The following PCDHGB2 variants were observed in gnomAD, a reference collection of about 807,000 sequenced individuals.
PCDHGB2 encodes the protein protocadherin gamma-B2.
PCDHGB2 carries 55 observed loss-of-function variants against 59.3 expected under a neutral mutation model. The observed-to-expected ratio is 0.93, with a 90% confidence interval of 0.75 to 1.16. The LOEUF (loss-of-function observed/expected upper bound fraction) is 1.16. PCDHGB2 is among the 50% of genes most tolerant of loss of function. The pLI is 0.00. For synonymous variants in PCDHGB2, 516 were observed against 512.0 expected, an observed-to-expected ratio of 1.01 and a Z score of -0.11; for missense variants, 1,228 against 1,198.5, an observed-to-expected ratio of 1.02 and a Z score of -0.36.
intron 1 of PCDHGB2, among the ~76,000 whole-genome samples, chr5:141,402,220 C>T (rs1489596372): frequency 2.0e-5 from 3 of 151,886 alleles, no homozygotes; most frequent in African/African-American, 2.4e-5. Context: ...TTAAAATAAA[C>T]GTTTTTCCAG....
At position 141,414,719 on chromosome 5, in the gene PCDHGB2, C is replaced by T. The variant is rs1361757630; in HGVS notation, c.2421+52163C>T. On this transcript the variant is annotated intron_variant, in intron 1 of 3. Transcript: ENST00000522605. ...TCATACATATCCATCAACTCAGACA[C>T]TGGCGTCCTGTATGCACTCAGATCC... The T allele has an allele frequency of 1.2e-6, 2 of 1,614,050 alleles. No individual in the cohort carries two copies. Among genetic ancestry groups the T allele is most frequent in the African/African-American group, 1.3e-5 (1 of 74,934 alleles).
At chr5:141,464,611 A>G (rs2099087451) in intron 1 of PCDHGB2, among the ~76,000 whole-genome samples, 3 of 152,194 alleles carry the variant, frequency 2.0e-5, no homozygotes, top group African/African-American at 7.2e-5. Context: ...TTTGCAGAGT[A>G]TATTGTCAAG....
Position 141,490,629 on chromosome 5 carries a change from C to T in PCDHGB2, c.2422-4178C>T, listed in dbSNP as rs1174984711. 1.2e-6 allele frequency: 2 copies of T among 1,614,214 alleles called. No individual in the cohort carries two copies. Among genetic ancestry groups the T allele is most frequent in the East Asian group, 2.2e-5 (1 of 44,882 alleles). On this transcript the variant is annotated intron_variant, in intron 1 of 3. Coordinates refer to ENST00000522605, the MANE Select transcript of PCDHGB2 (RefSeq NM_018923.3). This position sits in a 1 kb window ranked among gnomAD's most constrained non-coding sequence, Gnocchi z 5.4. ...ACCAGCAGCTTTACACTGCTTACAT[C>T]CTAGAAAACCGGCCTCCGGGCTCCC...
intron 1 of PCDHGB2, chr5:141,378,119 G>T (rs1412148490): frequency 1.3e-5 from 2 of 152,132 alleles, no homozygotes; most frequent in South Asian, 2.1e-4. Flanking sequence ...TAGTGAACAC[G>T]TATTTGTTGA....
chr5:141,405,295 C>T lies in PCDHGB2; in HGVS notation c.2421+42739C>T, dbSNP rs192426924. On this transcript the variant is annotated intron_variant, in intron 1 of 3. Transcript: ENST00000522605. ...CCAACTATGCAGACACACTCATCAG[C>T]CAGCAGAGCTGTGAGAAAAATGAGC... 26 of 1,614,180 alleles carry T rather than the reference C, an allele frequency of 1.6e-5. No individual in the cohort carries two copies. In the East Asian group the frequency reaches 4.0e-4, roughly 25 times the overall value.
rs771124496 is a variant in PCDHGB2, at chr5:141,489,457, C to T, written c.2422-5350C>T. The T allele has an allele frequency of 1.2e-5, 19 of 1,613,882 alleles. No homozygotes were observed. The highest frequency in any genetic ancestry group is 6.7e-5 in the African/African-American group (5 of 74,896). Reference sequence around the variant, plus strand: ...GCAATTGGGCTCTGAGGAGAATGGGCGCTATTTTTCCCTGAGCTTGATGAG... The same window carrying T: ...GCAATTGGGCTCTGAGGAGAATGGGTGCTATTTTTCCCTGAGCTTGATGAG... On this transcript the variant is annotated intron_variant, in intron 1 of 3. Coordinates refer to ENST00000522605, the MANE Select transcript of PCDHGB2 (RefSeq NM_018923.3). The surrounding 1 kb of genome is among the most constrained non-coding windows in gnomAD (Gnocchi z 4.5).
At chr5:141,460,733 C>T (rs988651750) in intron 1 of PCDHGB2, among the ~76,000 whole-genome samples, 2 of 150,844 alleles carry the variant, frequency 1.3e-5, no homozygotes, top group Non-Finnish European at 3.0e-5. Context: ...CATATATACA[C>T]ATTGTATATA....
At chr5:141,447,283 G>T (rs1194678678) in intron 1 of PCDHGB2, among the ~76,000 whole-genome samples, 1 of 152,122 alleles carries the variant, frequency 6.6e-6, no homozygotes, top group East Asian at 1.9e-4. Context: ...GGGACTACAG[G>T]CACATGCCAC....
Position 141,376,230 on chromosome 5 carries a change from T to C in PCDHGB2, c.2421+13674T>C, listed in dbSNP as rs567339650. The C allele has an allele frequency of 4.3e-6, 7 of 1,614,210 alleles. No homozygotes were observed. The East Asian group carries it at 6.7e-5, about 15-fold the overall frequency. ...GTCATCGTGCTGCTGGCGCTCAGACTGCAGCGCTGGCACAAGTCACGCCTG... is the reference window on the plus strand; with the variant it reads ...GTCATCGTGCTGCTGGCGCTCAGACCGCAGCGCTGGCACAAGTCACGCCTG... On this transcript the variant is annotated intron_variant, in intron 1 of 3. Coordinates refer to ENST00000522605, the MANE Select transcript of PCDHGB2 (RefSeq NM_018923.3).
intron 1 of PCDHGB2, among the ~76,000 whole-genome samples, chr5:141,475,171 C>A (rs545499118): frequency 6.6e-6 from 1 of 152,164 alleles, no homozygotes; most frequent in African/African-American, 2.4e-5. Context: ...AGCAGTGCAA[C>A]TTCTTGTGGC....
In PCDHGB2 at chr5:141,489,948, T is replaced by C; in HGVS notation, c.2422-4859T>C. 2 of 1,614,210 alleles carry C rather than the reference T, an allele frequency of 1.2e-6. No individual in the cohort carries two copies. Among genetic ancestry groups the C allele is most frequent in the Non-Finnish European group, 1.7e-6 (2 of 1,180,030 alleles). On this transcript the variant is annotated intron_variant, in intron 1 of 3. Coordinates refer to ENST00000522605, the MANE Select transcript of PCDHGB2 (RefSeq NM_018923.3). The surrounding 1 kb of genome is among the most constrained non-coding windows in gnomAD (Gnocchi z 4.5). ...TCTCTGTCATCGTGCTGGACATCAA[T>C]GATAATGCTCCAACCTTCCAATCCT...
intron 1 of PCDHGB2, chr5:141,478,760 C>T (rs1472984737): frequency 1.5e-5 from 23 of 1,510,888 alleles, no homozygotes; most frequent in Non-Finnish European, 1.9e-5. Context: ...GGGGAAGATA[C>T]TTGACTCATC....
intron 1 of PCDHGB2, chr5:141,389,501 G>A (rs752472089): frequency 3.7e-6 from 6 of 1,613,066 alleles, no homozygotes; most frequent in Non-Finnish European, 5.1e-6. Context: ...GCTCGCCAGC[G>A]CTCAGCGCGA....
At chr5:141,450,826 A>C (rs965147554) in intron 1 of PCDHGB2, among the ~76,000 whole-genome samples, 1 of 134,302 alleles carries the variant, frequency 7.4e-6, no homozygotes, top group African/African-American at 2.9e-5. Context: ...TATTATTATT[A>C]TTATTTTTTT....
In PCDHGB2 at chr5:141,403,920, A is replaced by T. The variant is rs1470961343; in HGVS notation, c.2421+41364A>T. 8.1e-6 allele frequency: 13 copies of T among 1,613,904 alleles called. No homozygotes were observed. Among genetic ancestry groups the T allele is most frequent in the Non-Finnish European group, 1.1e-5 (13 of 1,179,882 alleles). On this transcript the variant is annotated intron_variant, in intron 1 of 3. Transcript: ENST00000522605. ...TATGAAATGGAAATACAAGCTGAAG[A>T]TGGTGGGGGATTGAAAGGGTGGACA...
At position 141,361,977 on chromosome 5, in the gene PCDHGB2, C is replaced by G; in HGVS notation, c.1842C>G (p.Pro614=). The change falls in exon 1 of 4, where the codon CCC becomes CCG. Residue 614 remains proline (P), a synonymous_variant. Transcript: ENST00000522605. ...ACCACGTGCTGCAGGCCAGCGAGCCCGGGCTCTTCAGCCTGGGGTTGCGCA... is the reference window on the plus strand; with the variant it reads ...ACCACGTGCTGCAGGCCAGCGAGCCGGGGCTCTTCAGCCTGGGGTTGCGCA... ...LSYHVLQASE[P]GLFSLGLRTG... 6.2e-7 allele frequency: 1 copy of G among 1,601,656 alleles called. No individual in the cohort carries two copies. The highest frequency in any genetic ancestry group is 8.5e-7 in the Non-Finnish European group (1 of 1,176,502).
intron 1 of PCDHGB2, among the ~76,000 whole-genome samples, chr5:141,480,386 A>G (rs966068994): frequency 6.6e-6 from 1 of 151,826 alleles, no homozygotes; most frequent in Non-Finnish European, 1.5e-5. Context: ...CTACACTTCA[A>G]CCATGGCAAT....
intron 1 of PCDHGB2, among the ~76,000 whole-genome samples, chr5:141,461,253 C>A (rs1358900194): frequency 6.6e-6 from 1 of 152,108 alleles, no homozygotes; most frequent in Non-Finnish European, 1.5e-5. Flanking sequence ...ATATTCCCAG[C>A]AGCAATGTGT....
At chr5:141,403,046 C>T in intron 1 of PCDHGB2, 1 of 1,614,056 alleles carries the variant, frequency 6.2e-7, no homozygotes, top group Non-Finnish European at 8.5e-7. Flanking sequence ...CAGTCAGATT[C>T]GCTACTCAGT....
Sources: gnomAD v4.1 joint callset for allele counts (sites outside exome capture counted in the v4.1 genomes callset) on GRCh38, gnomAD v4.1.1 for gene constraint, Gnocchi (gnomAD v3.1) non-coding constraint, MANE v1.5 for transcripts, NCBI Gene and HGNC (gene_info 2026-07-23, HGNC 2026-07-21) for gene names.